Variants in GLI2 observed in about 807,000 individuals in gnomAD.
GLI2 encodes the protein transcription activator GLI2.
A neutral mutation model predicts 78.9 loss-of-function variants in GLI2; 22 were observed. That is an observed-to-expected ratio of 0.28 (90% CI 0.20 to 0.40). GLI2 has a LOEUF of 0.40. Ranked by LOEUF, GLI2 falls within the 10% of genes least tolerant of loss-of-function variation. The probability of loss-of-function intolerance (pLI) is 1.00; values close to 1 mark genes in which losing one functional copy is unlikely to be tolerated. For missense variants in GLI2, 2,097 were observed against 2,213.2 expected (o/e 0.95, Z 1.05); for synonymous variants, 974 against 963.7 (o/e 1.01, Z -0.20).
At chr2:120,873,122 C>T (rs1688554774) in intron 2 of GLI2, among the ~76,000 whole-genome samples, 1 of 152,214 alleles carries the variant, frequency 6.6e-6, no homozygotes, top group Admixed American at 6.5e-5. Context: ...GTAACCTTTC[C>T]ACCTGAGAAT....
At position 120,736,297 on chromosome 2, in the gene GLI2, T is replaced by C. The variant is rs1682348607; in HGVS notation, c.-31+12T>C. 1 of 151,878 alleles carries C rather than the reference T, an allele frequency of 6.6e-6. No individual in the cohort carries two copies. Among genetic ancestry groups the C allele is most frequent in the Non-Finnish European group, 1.5e-5 (1 of 67,992 alleles). 9.4% of individuals were successfully genotyped at this position (151,878 alleles called of 1,614,324 possible). A position where few individuals can be genotyped will look rare whatever the true frequency, so the allele number is the denominator to read the frequency against. On this transcript the variant is annotated intron_variant, in intron 1 of 13. Transcript: ENST00000361492. ...TTTTGTCTCTCTCGGTAAAGTTGCATTGGCCTTCTTTTGCTTGCTTTTCGT... is the reference window on the plus strand; with the variant it reads ...TTTTGTCTCTCTCGGTAAAGTTGCACTGGCCTTCTTTTGCTTGCTTTTCGT...
chr2:120,792,811 C>T (rs1020268022), intron 1 of GLI2, among the ~76,000 whole-genome samples: 10 of 152,076 alleles, frequency 6.6e-5, no homozygotes, highest in Non-Finnish European at 1.2e-4. Context: ...TTAATAGAGA[C>T]GGCCTTTCAT....
intron 2 of GLI2, among the ~76,000 whole-genome samples, chr2:120,920,116 C>T (rs973362944): frequency 6.6e-6 from 1 of 152,240 alleles, no homozygotes; most frequent in African/African-American, 2.4e-5. Flanking sequence ...ATGGAAGAGA[C>T]CATGGTAACT....
intron 2 of GLI2, among the ~76,000 whole-genome samples, chr2:120,821,430 A>T (rs1685770514): frequency 2.0e-5 from 3 of 152,340 alleles, no homozygotes; most frequent in Non-Finnish European, 2.9e-5. Context: ...TATGGGCGAC[A>T]GAGAAGGGTA....
At chr2:120,958,321 CCACT>C (rs1681376363) in intron 5 of GLI2, among the ~76,000 whole-genome samples, 1 of 152,174 alleles carries the variant, frequency 6.6e-6, no homozygotes, top group African/African-American at 2.4e-5. Flanking sequence ...CTCTTTAAAT[CCACT>C]CACTCTTGCA....
At chr2:120,975,900 T>C (rs280199) in intron 9 of GLI2, among the ~76,000 whole-genome samples, 88,965 of 152,012 alleles carry the variant, frequency 0.59, 28,670 homozygotes, top group Non-Finnish European at 0.74. Flanking sequence ...ATTTGTTTCC[T>C]ATAAAGGGGG....
At chr2:120,794,022 C>T (rs547154432) in intron 1 of GLI2, among the ~76,000 whole-genome samples, 52 of 152,222 alleles carry the variant, frequency 3.4e-4, no homozygotes, top group African/African-American at 5.3e-4. Context: ...GTTTTGGGTC[C>T]GTTCTTCACG....
At chr2:120,769,164 C>T (rs1446189478) in intron 1 of GLI2, among the ~76,000 whole-genome samples, 1 of 152,206 alleles carries the variant, frequency 6.6e-6, no homozygotes, top group South Asian at 2.1e-4. Flanking sequence ...CTGGAGCCCC[C>T]ACTTGGTGCC....
At position 120,930,829 on chromosome 2, in the gene GLI2, C is replaced by A. The variant is rs547392718; in HGVS notation, c.254+3363C>A. 3.9e-5 allele frequency among the ~76,000 whole-genome samples: 6 copies of A among 152,326 alleles called. No homozygotes were observed. The East Asian group carries it at 1.2e-3, about 29-fold the overall frequency. On this transcript the variant is annotated intron_variant, in intron 3 of 13. Transcript: ENST00000361492. ...CCGTCCTTCCCTGTGTAGGTGGGAG[C>A]CCTGGGCTGGGAAGGGGCCTGGGTC...
chr2:120,823,582 G>A (rs769338896), intron 2 of GLI2, among the ~76,000 whole-genome samples: 4 of 152,246 alleles, frequency 2.6e-5, no homozygotes, highest in African/African-American at 7.2e-5. Context: ...GCTGTGGGAT[G>A]TGGGGAGCAC....
chr2:120,857,072 C>T (rs973146864), intron 2 of GLI2, among the ~76,000 whole-genome samples: 6 of 152,066 alleles, frequency 3.9e-5, no homozygotes, highest in African/African-American at 1.4e-4. Context: ...GCCTAAAGAC[C>T]AGGGGAAGGC....
At chr2:120,830,159 A>C (rs1023918942) in intron 2 of GLI2, among the ~76,000 whole-genome samples, 20 of 152,186 alleles carry the variant, frequency 1.3e-4, no homozygotes, top group African/African-American at 4.6e-4. Flanking sequence ...CCTCCGTCTG[A>C]GTACCTGCCA....
chr2:120,753,829 C>G (rs938261776), intron 1 of GLI2, among the ~76,000 whole-genome samples: 1 of 148,222 alleles, frequency 6.7e-6, no homozygotes, highest in Admixed American at 6.8e-5. Flanking sequence ...ACCCGGGAGG[C>G]GGAGCTTGCA....
chr2:120,813,377 G>A (rs1473065859), intron 2 of GLI2, among the ~76,000 whole-genome samples: 1 of 152,200 alleles, frequency 6.6e-6, no homozygotes, highest in Non-Finnish European at 1.5e-5. Context: ...TGGACATGCA[G>A]TCCACGTGAT....
intron 2 of GLI2, among the ~76,000 whole-genome samples, chr2:120,820,650 G>A (rs963975497): frequency 6.6e-6 from 1 of 152,232 alleles, no homozygotes; most frequent in African/African-American, 2.4e-5. Flanking sequence ...TGCACACCCT[G>A]TGTGTCTGTG....
intron 1 of GLI2, among the ~76,000 whole-genome samples, chr2:120,740,724 T>G (rs2104619953): frequency 6.6e-6 from 1 of 152,366 alleles, no homozygotes; most frequent in Admixed American, 6.5e-5. Context: ...TGATTATGTT[T>G]TCTTCTCTAC....
intron 1 of GLI2, among the ~76,000 whole-genome samples, chr2:120,760,220 T>A (rs1231324195): frequency 6.6e-6 from 1 of 152,102 alleles, no homozygotes; most frequent in Non-Finnish European, 1.5e-5. Flanking sequence ...TGTTAGATAG[T>A]CTGGGGCCCA....
At chr2:120,978,293 G>T (rs1682554172) in intron 9 of GLI2, 141 bp from the exon 10 acceptor site, 1 of 858,138 alleles carries the variant, frequency 1.2e-6, no homozygotes, top group Admixed American at 1.7e-5. Flanking sequence ...AACATAATAG[G>T]TGTGGTCAGC....
intron 7 of GLI2, among the ~76,000 whole-genome samples, chr2:120,971,739 G>A (rs543197821): frequency 9.2e-5 from 14 of 152,304 alleles, no homozygotes; most frequent in African/African-American, 2.9e-4. Flanking sequence ...ATGGGGGTTG[G>A]CATGCCCAGG....
Sources: allele counts gnomAD v4.1 joint callset (sites outside exome capture counted in the v4.1 genomes callset), GRCh38; gene constraint gnomAD v4.1.1; transcripts MANE v1.5; gene names NCBI Gene and HGNC (gene_info 2026-07-23, HGNC 2026-07-21).